Variants in CBFB observed in about 807,000 individuals in gnomAD.
CBFB encodes CBF-beta.
CBFB carries 9 observed loss-of-function variants against 30.4 expected under a neutral mutation model. The observed-to-expected ratio is 0.30, with a 90% CI of 0.18 to 0.52. The LOEUF is 0.52. CBFB is among the 20% of genes least tolerant of loss of function. CBFB has a pLI of 0.97. For synonymous variants in CBFB, 94 were observed against 84.0 expected, an observed-to-expected ratio of 1.12 and a Z score of -0.65; for missense variants, 170 against 244.0, an observed-to-expected ratio of 0.70 and a Z score of 2.02.
chr16:67,063,788 A>G (rs975918797), intron 3 of CBFB, among the ~76,000 whole-genome samples: 5 of 152,250 alleles, frequency 3.3e-5, no homozygotes, highest in African/African-American at 9.6e-5. Flanking sequence ...TAATTTTTTT[A>G]TCATGTTTAT....
chr16:67,095,952 A>G (rs1350517608), intron 5 of CBFB, among the ~76,000 whole-genome samples: 2 of 150,790 alleles, frequency 1.3e-5, no homozygotes, highest in Non-Finnish European at 3.0e-5. Flanking sequence ...TTGGCCTCCC[A>G]AAGTGCTGGG....
At chr16:67,072,265 C>G (rs1013650351) in intron 4 of CBFB, among the ~76,000 whole-genome samples, 4 of 151,948 alleles carry the variant, frequency 2.6e-5, no homozygotes, top group Admixed American at 2.6e-4. Context: ...TTTAAAAATA[C>G]GTTTTTAAAT....
At chr16:67,075,331 C>G (rs1328856929) in intron 4 of CBFB, among the ~76,000 whole-genome samples, 1 of 151,858 alleles carries the variant, frequency 6.6e-6, no homozygotes, top group African/African-American at 2.4e-5. Flanking sequence ...AGGCAGTTCA[C>G]AAACAGGCTA....
Position 67,041,756 on chromosome 16 carries a change from CTTGT to C in CBFB, c.282+5004_282+5007del, listed in dbSNP as rs1966533605. 8.7e-5 allele frequency among the ~76,000 whole-genome samples: 12 copies of C among 137,174 alleles called. No individual in the cohort carries two copies. In the Admixed American group the frequency reaches 8.8e-4, roughly 10 times the overall value. The allele number at this position is 137,174 out of a possible 152,430, so 90.0% of individuals were successfully genotyped here. A position where few individuals can be genotyped will look rare whatever the true frequency, so the allele number is the denominator to read the frequency against. ...TTGTGGTGGGAGCTTGTTATTGCAG[CTTGT>C]TTCTTTACTTTTTTTTTTTTTTTTT... On this transcript the variant is annotated intron_variant, in intron 3 of 5. Transcript: ENST00000412916.
chr16:67,059,609 A>G (rs1330007704), intron 3 of CBFB, among the ~76,000 whole-genome samples: 1 of 152,164 alleles, frequency 6.6e-6, no homozygotes, highest in East Asian at 1.9e-4. Context: ...CAAAGGGGAA[A>G]TTTTAAATGG....
At chr16:67,085,214 G>C (rs1430494139) in intron 5 of CBFB, among the ~76,000 whole-genome samples, 1 of 152,004 alleles carries the variant, frequency 6.6e-6, no homozygotes, top group Non-Finnish European at 1.5e-5. Flanking sequence ...CTGTCGCCCA[G>C]GCTGGAGTGC....
rs9927827 is a variant in CBFB, at chr16:67,100,199, G to A, written c.*1421G>A. 9,645 of 212,252 alleles carry A rather than the reference G, an allele frequency of 0.045. 792 individuals carry two copies. The highest frequency in any genetic ancestry group is 0.19 in the African/African-American group (8,492 of 44,208). 13.1% of individuals were successfully genotyped at this position (212,252 alleles called of 1,614,324 possible). On this transcript the variant is annotated 3_prime_UTR_variant, in exon 6 of 6. Coordinates refer to ENST00000412916, the MANE Select transcript of CBFB (RefSeq NM_022845.3). ...GAAAAATGTATTTTATCATTAAATGGCATTATTTTAAAGGGTGAAAAACTG... is the reference window on the plus strand; with the variant it reads ...GAAAAATGTATTTTATCATTAAATGACATTATTTTAAAGGGTGAAAAACTG...
At chr16:67,034,547 A>G (rs1055880695) in intron 2 of CBFB, among the ~76,000 whole-genome samples, 5 of 152,262 alleles carry the variant, frequency 3.3e-5, no homozygotes, top group African/African-American at 1.2e-4. Context: ...ATGTTATTCT[A>G]GAATGATCTG....
At chr16:67,029,563 C>A in intron 1 of CBFB, 78 bp downstream of exon 1, 1 of 1,449,978 alleles carries the variant, frequency 6.9e-7, no homozygotes, top group Non-Finnish European at 9.4e-7. Flanking sequence ...TTGGGCGGCA[C>A]GGTCCCCGGG....
At position 67,098,774 on chromosome 16, in the gene CBFB, GTTAA is replaced by G. The variant is rs2145791111; in HGVS notation, c.*2_*5del. 6.3e-7 allele frequency: 1 copy of G among 1,581,378 alleles called. No individual in the cohort carries two copies. Among genetic ancestry groups the G allele is most frequent in the Non-Finnish European group, 8.7e-7 (1 of 1,150,322 alleles). Reference sequence around the variant, plus strand: ...GGTGGTGGTGATGACCTCAAACTTCGTTAATTAATAGCACAGCAGATGTGTGCTG... The same window carrying G: ...GGTGGTGGTGATGACCTCAAACTTCGTTAATAGCACAGCAGATGTGTGCTG... On this transcript the variant is annotated frameshift_variant and stop_lost, in exon 6 of 6. Transcript: ENST00000412916. LOFTEE classifies it high-confidence loss of function.
At chr16:67,082,593 CT>C (rs796567817) in intron 5 of CBFB, among the ~76,000 whole-genome samples, 1 of 152,014 alleles carries the variant, frequency 6.6e-6, no homozygotes, top group Non-Finnish European at 1.5e-5. Flanking sequence ...AATCTCACCT[CT>C]TTTTTTCTTA....
intron 2 of CBFB, among the ~76,000 whole-genome samples, chr16:67,033,278 A>G (rs1966383750): frequency 6.6e-6 from 1 of 152,226 alleles, no homozygotes; most frequent in Non-Finnish European, 1.5e-5. Context: ...TTGAGTTTTT[A>G]ACTGTAAAAC....
At chr16:67,051,684 A>G (rs549871793) in intron 3 of CBFB, among the ~76,000 whole-genome samples, 1 of 151,960 alleles carries the variant, frequency 6.6e-6, no homozygotes, top group Non-Finnish European at 1.5e-5. Flanking sequence ...TATAGGTAAA[A>G]TGTTTAAGCT....
At chr16:67,067,165 C>T (rs374993524) in intron 4 of CBFB, among the ~76,000 whole-genome samples, 13 of 147,518 alleles carry the variant, frequency 8.8e-5, no homozygotes, top group African/African-American at 3.3e-4. Context: ...AGGAGCTCAA[C>T]AAGTCCTCTC....
intron 5 of CBFB, 77 bp from the exon 6 acceptor site, chr16:67,098,633 T>A (rs1962125754): frequency 1.2e-6 from 1 of 822,186 alleles, no homozygotes; most frequent in African/African-American, 1.7e-5. Flanking sequence ...TGTGTGCTAC[T>A]GTCTTGTATT....
At position 67,029,820 on chromosome 16, in the gene CBFB, C is replaced by CGGCT. The variant is rs1411393734; in HGVS notation, c.165+11_165+14dup. The CGGCT allele has an allele frequency of 6.3e-7, 1 of 1,578,932 alleles. No individual in the cohort carries two copies. Among genetic ancestry groups the CGGCT allele is most frequent in the East Asian group, 2.4e-5 (1 of 41,028 alleles). On this transcript the variant is annotated splice_region_variant and intron_variant, in intron 2 of 5. Transcript: ENST00000412916. Reference sequence around the variant, plus strand: ...CGACGGCCGCTCGGAAATCGTAAGTCGGCTGGCCCGGGGCGCGCGCGGGTC... The same window carrying CGGCT: ...CGACGGCCGCTCGGAAATCGTAAGTCGGCTGGCTGGCCCGGGGCGCGCGCGGGTC...
chr16:67,043,242 T>C (rs1178471725), intron 3 of CBFB, among the ~76,000 whole-genome samples: 1 of 152,148 alleles, frequency 6.6e-6, no homozygotes, highest in Non-Finnish European at 1.5e-5. Flanking sequence ...ACAATAATAC[T>C]CACTTAAATT....
At chr16:67,074,510 G>T (rs1961330540) in intron 4 of CBFB, among the ~76,000 whole-genome samples, 1 of 151,570 alleles carries the variant, frequency 6.6e-6, no homozygotes, top group Admixed American at 6.6e-5. Flanking sequence ...AGCCTCCCAA[G>T]TAGCTGGGAC....
chr16:67,035,024 A>G (rs958625682), intron 2 of CBFB, among the ~76,000 whole-genome samples: 1 of 149,800 alleles, frequency 6.7e-6, no homozygotes, highest in African/African-American at 2.5e-5. Context: ...TTTTTTTTTT[A>G]ACTAGTGTTG....
Sources: allele counts gnomAD v4.1 joint callset (sites outside exome capture counted in the v4.1 genomes callset), GRCh38; gene constraint gnomAD v4.1.1; transcripts MANE v1.5; gene names NCBI Gene and HGNC (gene_info 2026-07-23, HGNC 2026-07-21).